PCDH15: variants seen among roughly 807,000 people sequenced by gnomAD.
The protein encoded by PCDH15 is protocadherin-15.
PCDH15 carries 129 observed loss-of-function variants against 178.5 expected under a neutral mutation model. The ratio of observed to expected loss-of-function variants is 0.72; its 90% CI spans 0.63 to 0.84. The LOEUF (loss-of-function observed/expected upper bound fraction) is 0.84. Among genes scored for constraint, PCDH15 ranks in the 40% least tolerant of loss-of-function variants. PCDH15 has a pLI of 0.00. For missense variants in PCDH15, 2,230 were observed against 2,099.9 expected (o/e 1.06, Z -1.21); for synonymous variants, 800 against 732.0 (o/e 1.09, Z -1.50).
intron 2 of PCDH15, chr10:54,619,156 T>A (rs1334613486): frequency 7.1e-6 from 1 of 140,628 alleles, no homozygotes; most frequent in African/African-American, 3.2e-5. Context: ...TTAAAAAAAA[T>A]GTTAAATAAA....
At chr10:55,502,058 A>C (rs945722518) in intron 2 of PCDH15, among the ~76,000 whole-genome samples, 1 of 151,806 alleles carries the variant, frequency 6.6e-6, no homozygotes, top group African/African-American at 2.4e-5. Flanking sequence ...TTTTGCAATA[A>C]AAATTCATTC....
In PCDH15 at chr10:55,505,689, G is replaced by A. The variant is rs191880422; in HGVS notation, c.-156+121936C>T. 3.3e-5 allele frequency among the ~76,000 whole-genome samples: 5 copies of A among 151,556 alleles called. No homozygotes were observed. The East Asian group carries it at 9.8e-4, about 30-fold the overall frequency. On this transcript the variant is annotated intron_variant, in intron 2 of 5. Coordinates refer to the PCDH15 transcript ENST00000613346. ...CAACAAACATGTATCAGGCAATGTT[G>A]TAAGAGATGCTAGTTATAGTCATCA...
chr10:54,905,043 C>A (rs569250506), intron 2 of PCDH15, among the ~76,000 whole-genome samples: 12 of 151,706 alleles, frequency 7.9e-5, no homozygotes, highest in African/African-American at 2.4e-4. Flanking sequence ...ATGACTGTAC[C>A]ACTTTCAAAT....
chr10:55,467,167 A>AT (rs1368018179), intron 2 of PCDH15, among the ~76,000 whole-genome samples: 1 of 152,200 alleles, frequency 6.6e-6, no homozygotes, highest in Non-Finnish European at 1.5e-5. Context: ...AGCTAGGGCA[A>AT]TGCCCCAGTT....
At chr10:53,855,236 A>G (rs763663741) in intron 28 of PCDH15, among the ~76,000 whole-genome samples, 7 of 152,086 alleles carry the variant, frequency 4.6e-5, no homozygotes, top group Non-Finnish European at 8.8e-5. Context: ...AGAAAAATAA[A>G]CTAGAATAAA....
At chr10:54,302,924 C>A (rs2060229048) in intron 8 of PCDH15, among the ~76,000 whole-genome samples, 1 of 152,044 alleles carries the variant, frequency 6.6e-6, no homozygotes, top group African/African-American at 2.4e-5. Context: ...GTTTCATGTA[C>A]CCCATAAATA....
intron 8 of PCDH15, among the ~76,000 whole-genome samples, chr10:54,264,775 A>G (rs1043044126): frequency 1.8e-4 from 28 of 152,210 alleles, no homozygotes; most frequent in African/African-American, 5.3e-4. Context: ...AAAGAAACCA[A>G]TTCTACAACT....
At chr10:55,161,722 T>C (rs1203694658) in intron 2 of PCDH15, among the ~76,000 whole-genome samples, 1 of 152,156 alleles carries the variant, frequency 6.6e-6, no homozygotes, top group African/African-American at 2.4e-5. Context: ...GCTGTCAAAA[T>C]TATTTCCACC....
chr10:54,796,412 C>CA (rs1173324848), intron 1 of PCDH15, among the ~76,000 whole-genome samples: 2 of 151,636 alleles, frequency 1.3e-5, no homozygotes, highest in African/African-American at 4.8e-5. Context: ...CTCTATCTCT[C>CA]AGACTTTCTG....
chr10:54,107,581 G>A (rs2094938836), intron 15 of PCDH15, among the ~76,000 whole-genome samples: 1 of 152,146 alleles, frequency 6.6e-6, no homozygotes, highest in Non-Finnish European at 1.5e-5. Context: ...GTTTTGGGGA[G>A]CCAAATGGAC....
chr10:54,414,902 A>C (rs7893786), intron 3 of PCDH15, among the ~76,000 whole-genome samples: 72,473 of 151,706 alleles, frequency 0.48, 17,992 homozygotes, highest in Non-Finnish European at 0.53. Context: ...AAAGCAGATT[A>C]AAAATAGAAT....
In PCDH15 at chr10:54,712,372, A is replaced by G. The variant is rs1044469701; in HGVS notation, c.-28-48082T>C. 2.6e-5 allele frequency among the ~76,000 whole-genome samples: 4 copies of G among 152,090 alleles called. No homozygotes were observed. In the South Asian group the frequency reaches 8.3e-4, roughly 31 times the overall value. ...AATTTTAAAAGAGATTTAAAAAATC[A>G]TAACAGCTAAGACACAACAAGCAGT... On this transcript the variant is annotated intron_variant, in intron 1 of 37. Coordinates refer to ENST00000644397, the MANE Select transcript of PCDH15 (RefSeq NM_001384140.1).
At chr10:54,998,490 A>G (rs141520893) in intron 2 of PCDH15, among the ~76,000 whole-genome samples, 1 of 152,220 alleles carries the variant, frequency 6.6e-6, no homozygotes, top group African/African-American at 2.4e-5. Flanking sequence ...ATAAATAATC[A>G]TCACAATTAA....
chr10:54,997,479 A>G (rs991084435), intron 2 of PCDH15, among the ~76,000 whole-genome samples: 2 of 152,220 alleles, frequency 1.3e-5, no homozygotes, highest in African/African-American at 4.8e-5. Context: ...AATTGTCAGC[A>G]TACATTTTCA....
chr10:54,716,124 C>T (rs888871421), intron 1 of PCDH15, among the ~76,000 whole-genome samples: 5 of 152,172 alleles, frequency 3.3e-5, no homozygotes, highest in African/African-American at 1.2e-4. Flanking sequence ...GATGCATGTG[C>T]ATGCCATTGG....
intron 1 of PCDH15, among the ~76,000 whole-genome samples, chr10:55,276,299 A>G (rs1842594443): frequency 6.6e-6 from 1 of 151,094 alleles, no homozygotes; most frequent in African/African-American, 2.4e-5. Flanking sequence ...GATTATAAAG[A>G]AATACTTTCA....
At chr10:54,636,811 TA>T (rs1472823388) in intron 2 of PCDH15, among the ~76,000 whole-genome samples, 1 of 151,892 alleles carries the variant, frequency 6.6e-6, no homozygotes, top group Non-Finnish European at 1.5e-5. Flanking sequence ...AACTTATAAA[TA>T]AGAACATTAA....
At chr10:54,971,051 G>T (rs1433281525) in intron 2 of PCDH15, among the ~76,000 whole-genome samples, 1 of 152,094 alleles carries the variant, frequency 6.6e-6, no homozygotes, top group Non-Finnish European at 1.5e-5. Flanking sequence ...TAGACTTTAG[G>T]ATTTTGAGTT....
intron 2 of PCDH15, among the ~76,000 whole-genome samples, chr10:54,648,001 A>G (rs149993577): frequency 0.018 from 2,695 of 152,186 alleles, 45 homozygotes; most frequent in African/African-American, 0.038. Flanking sequence ...TTCTCTCTTG[A>G]GCCCTCTCCA....
Sources: allele counts gnomAD v4.1 joint callset (sites outside exome capture counted in the v4.1 genomes callset), GRCh38; gene constraint gnomAD v4.1.1; transcripts MANE v1.5; gene names NCBI Gene and HGNC (gene_info 2026-07-23, HGNC 2026-07-21).